Variants in ZNF585B observed in about 807,000 individuals in gnomAD.
ZNF585B encodes the protein zinc finger protein 585B.
Under a neutral mutation model 14.0 loss-of-function variants are expected in ZNF585B, and 7 were observed. The ratio of observed to expected loss-of-function variants is 0.50; its 90% confidence interval spans 0.28 to 0.94. ZNF585B has a LOEUF of 0.94. Among genes scored for constraint, ZNF585B ranks in the 40% least tolerant of loss-of-function variants. The probability of loss-of-function intolerance (pLI) is 0.09; values close to 1 mark genes in which losing one functional copy is unlikely to be tolerated. For synonymous variants in ZNF585B, 290 were observed against 317.3 expected (o/e 0.91, Z 0.91); for missense variants, 750 against 924.4 (o/e 0.81, Z 2.45).
Position 37,184,422 on chromosome 19 carries a change from GAAAGAAAAAGAAA to G in ZNF585B, c.*792_*804del, listed in dbSNP as rs1568504840. 6.7e-5 allele frequency: 5 copies of G among 74,926 alleles called. No homozygotes were observed. The highest frequency in any genetic ancestry group is 4.9e-4 in the Admixed American group (3 of 6,176). The allele number at this position is 74,926 out of a possible 1,614,324, so 4.6% of individuals were successfully genotyped here. On this transcript the variant is annotated 3_prime_UTR_variant, in exon 5 of 5. Coordinates refer to ENST00000532828, the MANE Select transcript of ZNF585B (RefSeq NM_152279.4). ...AAAGAAAGAAAGAAAGAAAGAGAAAGAAAGAAAAAGAAAGAAAGAAGGAAAGAAAGAAAGAAAG... is the reference window on the plus strand; with the variant it reads ...AAAGAAAGAAAGAAAGAAAGAGAAAGGAAAGAAGGAAAGAAAGAAAGAAAG...
intron 2 of ZNF585B, chr19:37,198,963 C>T (rs891201875): frequency 4.1e-5 from 62 of 1,513,854 alleles, no homozygotes; most frequent in Admixed American, 8.1e-5. Flanking sequence ...CATTTAACTG[C>T]ATTCAGAGAT....
chr19:37,195,345 C>CAAAAAAAAAAAAA (rs71177429), intron 2 of ZNF585B, among the ~76,000 whole-genome samples: 1 of 14,300 alleles, frequency 7.0e-5, no homozygotes, highest in African/African-American at 2.2e-4. Flanking sequence ...GACTCTGACT[C>CAAAAAAAAAAAAA]AAAAAAAAAA....
chr19:37,187,627 C>CTT (rs952250507), intron 4 of ZNF585B, among the ~76,000 whole-genome samples: 1 of 149,486 alleles, frequency 6.7e-6, no homozygotes, highest in African/African-American at 2.5e-5. Flanking sequence ...GGAAAGAAGT[C>CTT]TTTTTTTTTT....
At chr19:37,202,888 T>C (rs1024927286) in intron 2 of ZNF585B, among the ~76,000 whole-genome samples, 2 of 152,066 alleles carry the variant, frequency 1.3e-5, no homozygotes, top group Admixed American at 1.3e-4. Context: ...GGTGATCCAC[T>C]GGCCCTGGTC....
chr19:37,193,243 G>A (rs1046613218), intron 2 of ZNF585B, among the ~76,000 whole-genome samples: 4 of 151,926 alleles, frequency 2.6e-5, no homozygotes, highest in Non-Finnish European at 4.4e-5. Context: ...AGGCCGAGGC[G>A]GGCAGATCAT....
intron 2 of ZNF585B, among the ~76,000 whole-genome samples, chr19:37,192,415 A>G (rs577562612): frequency 6.6e-6 from 1 of 152,212 alleles, no homozygotes; most frequent in South Asian, 2.1e-4. Flanking sequence ...TGCCCAGCAA[A>G]GACAAGAACA....
intron 2 of ZNF585B, among the ~76,000 whole-genome samples, chr19:37,196,546 A>G (rs1972467138): frequency 6.6e-6 from 1 of 151,874 alleles, no homozygotes; most frequent in Non-Finnish European, 1.5e-5. Flanking sequence ...CAGTAAAATT[A>G]CACCGAGTGT....
Position 37,189,703 on chromosome 19 carries a change from G to A in ZNF585B, c.250C>T (p.Pro84Ser). ...GGCCTCTCACCCTGCAGTGCCCATG[G>A]TTCCTTTCCTTGCTCCAACATGACC... Reference protein sequence around the residue: ...EVVMLEQGKEPWALQGERPRH... With the variant: ...EVVMLEQGKESWALQGERPRH... The change falls in exon 4 of 5, where the codon CCA becomes TCA. Residue 84 changes from proline to serine, a missense_variant. Coordinates refer to ENST00000532828, the MANE Select transcript of ZNF585B (RefSeq NM_152279.4). 6.2e-7 allele frequency: 1 copy of A among 1,613,736 alleles called. No individual in the cohort carries two copies. Among genetic ancestry groups the A allele is most frequent in the Non-Finnish European group, 8.5e-7 (1 of 1,180,014 alleles).
rs934662626 is a variant in ZNF585B at position 37,206,917 on chromosome 19, C to T, written c.72+123G>A. ...GGAAGATCAAGTTTTCTTTCAGGAG[C>T]ACCAAGTCTAGAGTCCAGCTGGTTC... is the stretch of plus-strand genomic sequence containing the variant. On this transcript the variant is annotated intron_variant, in intron 2 of 4. Transcript: ENST00000532828. The T allele has an allele frequency of 6.5e-6, 8 of 1,223,388 alleles. No individual in the cohort carries two copies. In the African/African-American group the frequency reaches 1.2e-4, roughly 18 times the overall value. The allele number at this position is 1,223,388 out of a possible 1,614,324, so 75.8% of individuals were successfully genotyped here. A position where few individuals can be genotyped will look rare whatever the true frequency, so the allele number is the denominator to read the frequency against.
At chr19:37,200,874 T>TGA (rs1972523930) in intron 2 of ZNF585B, among the ~76,000 whole-genome samples, 1 of 151,968 alleles carries the variant, frequency 6.6e-6, no homozygotes, top group East Asian at 1.9e-4. Context: ...GCGGATCACC[T>TGA]GAGGTCAGGA....
In ZNF585B at chr19:37,186,824, C is replaced by T; in HGVS notation, c.713G>A (p.Gly238Glu). 1 of 1,614,064 alleles carries T rather than the reference C, an allele frequency of 6.2e-7. No individual in the cohort carries two copies. The highest frequency in any genetic ancestry group is 8.5e-7 in the Non-Finnish European group (1 of 1,179,998). Residue 238 changes from glycine (G) to glutamate (E), a missense_variant, in exon 5 of 5, where the codon GGA (glycine) becomes GAA (glutamate). Physicochemically the swap from Gly to Glu is moderately conservative, Grantham distance 98 (BLOSUM62 -2). Coordinates refer to ENST00000532828, the MANE Select transcript of ZNF585B (RefSeq NM_152279.4). ...GTCAGTGCATTCATGGTGTCTCTCT[C>T]CAGTATGAATTTTCTCATGTATACT... ...DLSIHEKIHT[G>E]ERHHECTDCG... is the part of the protein sequence containing the mutation.
intron 2 of ZNF585B, chr19:37,199,395 C>T (rs1002592706): frequency 7.3e-6 from 3 of 409,922 alleles, no homozygotes; most frequent in Non-Finnish European, 1.4e-5. Context: ...TCTATTGGCG[C>T]GTACCTGTAG....
chr19:37,191,701 A>C (rs566325548), intron 2 of ZNF585B, among the ~76,000 whole-genome samples: 1 of 152,126 alleles, frequency 6.6e-6, no homozygotes, highest in African/African-American at 2.4e-5. Context: ...TCTGTTCTAC[A>C]GTCAGTCAAT....
Position 37,200,053 on chromosome 19 carries a change from TAATAAAATAAAATAA to T in ZNF585B, c.72+6972_72+6986del, listed in dbSNP as rs74174449. On this transcript the variant is annotated intron_variant, in intron 2 of 4. Transcript: ENST00000532828. ...AGCGAAACTCCGTCTCAAAAATAAATAATAAAATAAAATAAAATAAAATAAAATAAAATAAAATAA... is the reference window on the plus strand; with the variant it reads ...AGCGAAACTCCGTCTCAAAAATAAATAATAAAATAAAATAAAATAAAATAA... Among the ~76,000 whole-genome samples, 324 of 144,644 alleles carry T rather than the reference TAATAAAATAAAATAA, an allele frequency of 2.2e-3. 4 individuals carry two copies. The highest frequency in any genetic ancestry group is 9.0e-3 in the South Asian group (41 of 4,564). The allele number at this position is 144,644 out of a possible 152,430, so 94.9% of individuals were successfully genotyped here.
Position 37,202,639 on chromosome 19 carries a change from G to GTTTTT in ZNF585B, c.72+4400_72+4401insAAAAA, listed in dbSNP as rs1555779551. On this transcript the variant is annotated intron_variant, in intron 2 of 4. Transcript: ENST00000532828. ...TGTTTAGGTTTTCATATATTTGCAT[G>GTTTTT]GTTTTTTTTTTTTTTTTTTTGAGAT... Among the ~76,000 whole-genome samples the GTTTTT allele has an allele frequency of 3.5e-5, 5 of 142,174 alleles. 1 individual carries two copies. The highest frequency in any genetic ancestry group is 1.5e-5 in the Non-Finnish European group (1 of 65,244). 93.3% of individuals were successfully genotyped at this position (142,174 alleles called of 152,430 possible).
intron 1 of ZNF585B, among the ~76,000 whole-genome samples, chr19:37,210,198 C>T (rs1401562654): frequency 1.3e-5 from 2 of 152,150 alleles, no homozygotes; most frequent in Admixed American, 6.6e-5. Flanking sequence ...TGATCACAGT[C>T]CTCACCGACC....
At position 37,185,251 on chromosome 19, in the gene ZNF585B, A is replaced by T; in HGVS notation, c.2286T>A (p.Ser762Arg). ...GKGFVQKSVF[S>R]VHQSSHA The stretch of plus-strand genomic sequence containing the variant: ...CTCAAGCGTGGCTGCTCTGATGAAC[A>T]CTGAACACTGATTTCTGAACGAAGC... The change falls in exon 5 of 5, where the codon AGT becomes AGA. Residue 762 changes from serine to arginine, a missense_variant. Around this residue, in one of 2 missense-constraint regions of ZNF585B, gnomAD observed 233 missense variants for 354.1 expected, o/e 0.66. Transcript: ENST00000532828. 6.2e-7 allele frequency: 1 copy of T among 1,610,926 alleles called. No homozygotes were observed. Among genetic ancestry groups the T allele is most frequent in the Non-Finnish European group, 8.5e-7 (1 of 1,177,320 alleles).
chr19:37,189,511 T>C (rs1972375966), intron 4 of ZNF585B, 150 bp downstream of exon 4: 2 of 747,200 alleles, frequency 2.7e-6, no homozygotes, highest in Non-Finnish European at 4.4e-6. Flanking sequence ...CATTTAGTGA[T>C]CTGAGAGGCA....
chr19:37,199,497 C>A, intron 2 of ZNF585B: 1 of 452,038 alleles, frequency 2.2e-6, no homozygotes, highest in Non-Finnish European at 4.4e-6. Context: ...AGCACTCCAG[C>A]CTGAGGATAG....
Sources: gnomAD v4.1 joint callset for allele counts (sites outside exome capture counted in the v4.1 genomes callset) on GRCh38, gnomAD v4.1.1 for gene constraint, gnomAD v4.1.1 regional missense constraint, MANE v1.5 for transcripts, NCBI Gene and HGNC (gene_info 2026-07-23, HGNC 2026-07-21) for gene names.